CAMSAP2: variants seen among roughly 807,000 people sequenced by gnomAD.
CAMSAP2 encodes the protein calmodulin-regulated spectrin-associated protein 2.
CAMSAP2 carries 26 observed loss-of-function variants against 146.1 expected under a neutral mutation model. The ratio of observed to expected loss-of-function variants is 0.18; its 90% CI spans 0.13 to 0.25. The LOEUF is 0.25. Among genes scored for constraint, CAMSAP2 ranks in the 10% least tolerant of loss-of-function variants. The pLI, the probability that CAMSAP2 is intolerant of heterozygous loss-of-function variation, is 1.00. For synonymous variants in CAMSAP2, 499 were observed against 596.6 expected (o/e 0.84, Z 2.38); for missense variants, 1,381 against 1,759.3 (o/e 0.78, Z 3.85).
At chr1:200,784,771 A>G (rs1190442282) in intron 2 of CAMSAP2, among the ~76,000 whole-genome samples, 1 of 152,128 alleles carries the variant, frequency 6.6e-6, no homozygotes, top group Non-Finnish European at 1.5e-5. Flanking sequence ...AAACACTAAC[A>G]GTTAATGTTG....
intron 2 of CAMSAP2, among the ~76,000 whole-genome samples, chr1:200,778,885 A>G (rs1005152331): frequency 1.6e-4 from 24 of 152,194 alleles, no homozygotes; most frequent in African/African-American, 4.6e-4. Context: ...GCAAGAGCAG[A>G]TAAAATCCAA....
chr1:200,771,763 G>A (rs569741417), intron 2 of CAMSAP2, among the ~76,000 whole-genome samples: 10 of 152,286 alleles, frequency 6.6e-5, no homozygotes, highest in Non-Finnish European at 8.8e-5. Flanking sequence ...GATGGAAGGT[G>A]GTTGGAACCA....
rs1025596275 is a variant in CAMSAP2 at position 200,826,788 on chromosome 1, T to G, written c.646-5412T>G. Among the ~76,000 whole-genome samples the G allele has an allele frequency of 3.9e-5, 6 of 152,336 alleles. No individual in the cohort carries two copies. In the South Asian group the frequency reaches 1.2e-3, roughly 32 times the overall value. Reference sequence around the variant, plus strand: ...TCTGGACTGCCTAGGTTGGCCCCTTTGTCGGTAGAAACTTAATAAAAGTTT... The same window carrying G: ...TCTGGACTGCCTAGGTTGGCCCCTTGGTCGGTAGAAACTTAATAAAAGTTT... On this transcript the variant is annotated intron_variant, in intron 4 of 16. Transcript: ENST00000358823.
intron 2 of CAMSAP2, among the ~76,000 whole-genome samples, chr1:200,776,106 A>G (rs908851285): frequency 3.3e-5 from 5 of 152,120 alleles, no homozygotes; most frequent in Non-Finnish European, 7.4e-5. Context: ...CATTTTGCCA[A>G]TCTTATTATT....
chr1:200,854,404 G>A (rs1667698794), intron 13 of CAMSAP2, among the ~76,000 whole-genome samples: 1 of 152,120 alleles, frequency 6.6e-6, no homozygotes, highest in African/African-American at 2.4e-5. Flanking sequence ...TACTAAACCT[G>A]AGGAAAAATA....
At chr1:200,767,904 A>G (rs1665003117) in intron 2 of CAMSAP2, among the ~76,000 whole-genome samples, 1 of 152,200 alleles carries the variant, frequency 6.6e-6, no homozygotes, top group Non-Finnish European at 1.5e-5. Context: ...AACCATGTTT[A>G]TCATGTTAGA....
intron 2 of CAMSAP2, among the ~76,000 whole-genome samples, chr1:200,778,944 A>G (rs961153860): frequency 2.6e-5 from 4 of 152,290 alleles, no homozygotes; most frequent in East Asian, 3.9e-4. Flanking sequence ...GCACAAGACA[A>G]TGAATGAGGC....
At chr1:200,837,398 T>C (rs768136561) in intron 6 of CAMSAP2, among the ~76,000 whole-genome samples, 23 of 152,150 alleles carry the variant, frequency 1.5e-4, no homozygotes, top group Non-Finnish European at 2.9e-4. Flanking sequence ...CAGATGGTTG[T>C]AGATATGTGG....
intron 2 of CAMSAP2, among the ~76,000 whole-genome samples, chr1:200,791,184 T>C (rs186087269): frequency 6.5e-4 from 99 of 152,346 alleles, no homozygotes; most frequent in African/African-American, 2.2e-3. Flanking sequence ...CTGAGTAAGA[T>C]GCATTCTGTG....
At chr1:200,831,978 A>G (rs1208087596) in intron 4 of CAMSAP2, 1 of 428,258 alleles carries the variant, frequency 2.3e-6, no homozygotes, top group East Asian at 3.7e-5. Flanking sequence ...GTAAATTAGC[A>G]GTATGTTATA....
At chr1:200,784,175 A>G (rs1383349413) in intron 2 of CAMSAP2, among the ~76,000 whole-genome samples, 5 of 152,106 alleles carry the variant, frequency 3.3e-5, no homozygotes, top group Admixed American at 3.3e-4. Context: ...GTCTTGACTA[A>G]TGTAGCTTCA....
At position 200,757,330 on chromosome 1, in the gene CAMSAP2, A is replaced by G. The variant is rs1050428255; in HGVS notation, c.140-3509A>G. On this transcript the variant is annotated intron_variant, in intron 1 of 16. Coordinates refer to ENST00000358823, the MANE Select transcript of CAMSAP2 (RefSeq NM_203459.4). ...GAGCAGTACTGTCTCTGCTCCCTCT[A>G]CCTGTACCTCAAGCATTTCAGGTGG... Among the ~76,000 whole-genome samples, 9 of 152,110 alleles carry G rather than the reference A, an allele frequency of 5.9e-5. 1 individual carries two copies. Among genetic ancestry groups the G allele is most frequent in the African/African-American group, 9.7e-5 (4 of 41,412 alleles).
intron 6 of CAMSAP2, among the ~76,000 whole-genome samples, chr1:200,834,169 C>T (rs1667116027): frequency 6.6e-6 from 1 of 152,000 alleles, no homozygotes. Context: ...TCGAGACCAG[C>T]CTGGCCAACA....
intron 11 of CAMSAP2, among the ~76,000 whole-genome samples, chr1:200,851,427 T>C (rs1667616054): frequency 6.6e-6 from 1 of 152,126 alleles, no homozygotes; most frequent in Non-Finnish European, 1.5e-5. Context: ...ACTCCCAACC[T>C]CAGGTGATCT....
Position 200,844,683 on chromosome 1 carries a change from G to T in CAMSAP2, c.1022-99G>T, listed in dbSNP as rs1571824534. 7.0e-6 allele frequency: 4 copies of T among 568,934 alleles called. No homozygotes were observed. The East Asian group carries it at 1.3e-4, about 18-fold the overall frequency. The allele number at this position is 568,934 out of a possible 1,614,324, so 35.2% of individuals were successfully genotyped here. A position where few individuals can be genotyped will look rare whatever the true frequency, so the allele number is the denominator to read the frequency against. On this transcript the variant is annotated intron_variant, in intron 7 of 16. Coordinates refer to ENST00000358823, the MANE Select transcript of CAMSAP2 (RefSeq NM_203459.4). ...TATGATTTCTCAATACGTAGAAAGG[G>T]AAATAGAAGTTAAATTTTGTTATAA... is the stretch of plus-strand genomic sequence containing the variant.
Position 200,816,828 on chromosome 1 carries a change from A to ACG in CAMSAP2, c.645+1187_645+1188dup, listed in dbSNP as rs1238110695. Among the ~76,000 whole-genome samples, 42 of 62,994 alleles carry ACG rather than the reference A, an allele frequency of 6.7e-4. 10 individuals carry two copies. The highest frequency in any genetic ancestry group is 8.4e-4 in the Non-Finnish European group (28 of 33,212). The allele number at this position is 62,994 out of a possible 152,430, so 41.3% of individuals were successfully genotyped here. A position where few individuals can be genotyped will look rare whatever the true frequency, so the allele number is the denominator to read the frequency against. On this transcript the variant is annotated intron_variant, in intron 4 of 16. Coordinates refer to ENST00000358823, the MANE Select transcript of CAMSAP2 (RefSeq NM_203459.4). ...CGTGTATATATGTGTGTACACACACACGCGTGTGTATGTGTGTACACACAC... is the reference window on the plus strand; with the variant it reads ...CGTGTATATATGTGTGTACACACACACGCGCGTGTGTATGTGTGTACACACAC...
intron 2 of CAMSAP2, among the ~76,000 whole-genome samples, chr1:200,792,362 G>T (rs533890397): frequency 6.6e-6 from 1 of 152,172 alleles, no homozygotes; most frequent in Non-Finnish European, 1.5e-5. Context: ...GACATGCTAA[G>T]TTTAAAAAAG....
chr1:200,742,542 G>A (rs752732238), intron 1 of CAMSAP2, among the ~76,000 whole-genome samples: 23 of 152,062 alleles, frequency 1.5e-4, no homozygotes, highest in Non-Finnish European at 2.6e-4. Context: ...TTTTTTTGAT[G>A]TAAATATTCT....
chr1:200,856,036 C>T lies in CAMSAP2; in HGVS notation c.3923C>T (p.Ser1308Phe). The T allele has an allele frequency of 6.2e-7, 1 of 1,613,596 alleles. No individual in the cohort carries two copies. The highest frequency in any genetic ancestry group is 1.3e-5 in the African/African-American group (1 of 75,014). ...TCAGAGTCTGTAGAAGGCTTCTTAT[C>T]TCCAAGTCGTTGTGGCAGTCGAAAT... ...PRSESVEGFL[S>F]PSRCGSRNGE... The change falls in exon 15 of 17, where the codon TCT (serine) becomes TTT (phenylalanine). Residue 1308 changes from serine (S) to phenylalanine (F), a missense_variant. Coordinates refer to ENST00000358823, the MANE Select transcript of CAMSAP2 (RefSeq NM_203459.4).
Sources: allele counts gnomAD v4.1 joint callset (sites outside exome capture counted in the v4.1 genomes callset), GRCh38; gene constraint gnomAD v4.1.1; transcripts MANE v1.5; gene names NCBI Gene and HGNC (gene_info 2026-07-23, HGNC 2026-07-21).